CSMD1: variants seen among roughly 807,000 people sequenced by gnomAD.
CSMD1 encodes the protein CUB and Sushi multiple domains 1, also known as CUB and sushi domain-containing protein 1.
A neutral mutation model predicts 417.5 loss-of-function variants in CSMD1; 213 were observed. That is an observed-to-expected ratio of 0.51 (90% CI 0.46 to 0.57). The LOEUF is 0.57. Ranked by LOEUF, CSMD1 falls within the 20% of genes least tolerant of loss-of-function variation. The probability of loss-of-function intolerance (pLI) is 0.00; values close to 1 mark genes in which losing one functional copy is unlikely to be tolerated. For missense variants in CSMD1, 6,923 were observed against 4,529.7 expected, an observed-to-expected ratio of 1.53 and a Z score of -15.17; for synonymous variants, 2,862 against 1,736.8, an observed-to-expected ratio of 1.65 and a Z score of -16.11.
At chr8:3,065,306 G>GATAT (rs1489521097) in intron 49 of CSMD1, among the ~76,000 whole-genome samples, 1 of 146,664 alleles carries the variant, frequency 6.8e-6, no homozygotes, top group Non-Finnish European at 1.5e-5. Flanking sequence ...TAGATAGGTA[G>GATAT]ATAGATAGAT....
chr8:3,587,628 T>C (rs11993556), intron 8 of CSMD1, among the ~76,000 whole-genome samples: 8,402 of 152,150 alleles, frequency 0.055, 794 homozygotes, highest in African/African-American at 0.19. Flanking sequence ...TGTAACACTC[T>C]CTAGGGATTG....
At chr8:3,281,804 T>A (rs146879833) in intron 26 of CSMD1, among the ~76,000 whole-genome samples, 2 of 152,284 alleles carry the variant, frequency 1.3e-5, no homozygotes, top group East Asian at 3.9e-4. Context: ...CCCACCCATG[T>A]TGAATTGTAA....
At chr8:3,656,196 C>G (rs1476090946) in intron 7 of CSMD1, among the ~76,000 whole-genome samples, 7 of 152,122 alleles carry the variant, frequency 4.6e-5, no homozygotes, top group Admixed American at 3.3e-4. Context: ...CCTACCAGAG[C>G]TATTCAGAAG....
intron 52 of CSMD1, among the ~76,000 whole-genome samples, chr8:3,016,901 C>G (rs991811895): frequency 6.6e-6 from 1 of 152,166 alleles, no homozygotes; most frequent in Non-Finnish European, 1.5e-5. Flanking sequence ...CCTTTCTACT[C>G]CAAAACCCTA....
chr8:4,544,750 A>G (rs1213302355), intron 2 of CSMD1, among the ~76,000 whole-genome samples: 2 of 152,188 alleles, frequency 1.3e-5, no homozygotes, highest in Non-Finnish European at 2.9e-5. Flanking sequence ...GTGTCAGAGC[A>G]AATCCATTTT....
In CSMD1 at chr8:3,013,488, C is replaced by T. The variant is rs578124426; in HGVS notation, c.8029+4989G>A. ...TTTTCCAGCCTGGTGTGGTGCCTCA[C>T]GCCTGTAATCCCAGCACTTTGGGAG... On this transcript the variant is annotated intron_variant, in intron 52 of 69. Coordinates refer to ENST00000635120, the MANE Select transcript of CSMD1 (RefSeq NM_033225.6). Among the ~76,000 whole-genome samples the T allele has an allele frequency of 1.6e-4, 24 of 152,282 alleles. No homozygotes were observed. The South Asian group carries it at 4.1e-3, about 26-fold the overall frequency.
At chr8:3,677,185 A>C (rs1799419743) in intron 7 of CSMD1, among the ~76,000 whole-genome samples, 1 of 152,160 alleles carries the variant, frequency 6.6e-6, no homozygotes, top group African/African-American at 2.4e-5. Flanking sequence ...TAAAAGAAAC[A>C]CGTATATAAG....
chr8:4,194,004 CATA>C (rs1186380097), intron 3 of CSMD1, among the ~76,000 whole-genome samples: 3 of 152,076 alleles, frequency 2.0e-5, no homozygotes, highest in African/African-American at 7.3e-5. Context: ...ATATCCCCTT[CATA>C]ATGTTTTTGA....
chr8:3,104,505 T>C (rs1020869715), intron 46 of CSMD1, among the ~76,000 whole-genome samples: 1 of 152,164 alleles, frequency 6.6e-6, no homozygotes, highest in Admixed American at 6.5e-5. Context: ...TAATCAATAG[T>C]TCTCATGTAG....
intron 7 of CSMD1, among the ~76,000 whole-genome samples, chr8:3,677,846 T>C (rs1585061008): frequency 2.0e-5 from 3 of 152,264 alleles, no homozygotes; most frequent in African/African-American, 7.2e-5. Flanking sequence ...ATTCTTTAAC[T>C]CTAAACCCCC....
At chr8:3,691,755 T>C (rs774081292) in intron 7 of CSMD1, among the ~76,000 whole-genome samples, 1 of 147,282 alleles carries the variant, frequency 6.8e-6, no homozygotes, top group Non-Finnish European at 1.5e-5. Context: ...AAAATGAGGC[T>C]CAATACCATT....
intron 12 of CSMD1, among the ~76,000 whole-genome samples, chr8:3,445,091 A>C (rs928703868): frequency 3.3e-5 from 5 of 152,226 alleles, no homozygotes; most frequent in Admixed American, 2.0e-4. Context: ...TTCAACAGGG[A>C]AAAAGAAAAA....
intron 3 of CSMD1, among the ~76,000 whole-genome samples, chr8:4,409,166 T>C (rs1477824913): frequency 6.6e-6 from 1 of 152,214 alleles, no homozygotes; most frequent in Non-Finnish European, 1.5e-5. Flanking sequence ...AAAATGACCT[T>C]CAAATGGGAG....
At chr8:3,091,466 T>C in intron 48 of CSMD1, 50 bp downstream of exon 48, 1 of 1,390,180 alleles carries the variant, frequency 7.2e-7, no homozygotes, top group South Asian at 1.4e-5. Flanking sequence ...TCAATGAAAA[T>C]CACCTGTTTT....
intron 5 of CSMD1, among the ~76,000 whole-genome samples, chr8:3,925,420 T>C (rs1471560198): frequency 2.6e-5 from 4 of 152,124 alleles, no homozygotes; most frequent in African/African-American, 9.7e-5. Context: ...ATGAAAGAAA[T>C]AATATTTAAA....
chr8:4,907,849 A>G (rs189053355), intron 1 of CSMD1, among the ~76,000 whole-genome samples: 1 of 152,130 alleles, frequency 6.6e-6, no homozygotes, highest in East Asian at 1.9e-4. Context: ...TACAGACAAT[A>G]GCCATCTCAC....
intron 7 of CSMD1, among the ~76,000 whole-genome samples, chr8:3,646,897 A>T (rs1219780452): frequency 1.3e-5 from 2 of 152,100 alleles, no homozygotes; most frequent in Non-Finnish European, 2.9e-5. Context: ...AGTTTTGATG[A>T]GTAGGCTTAG....
intron 5 of CSMD1, among the ~76,000 whole-genome samples, chr8:3,996,326 T>C (rs1815212547): frequency 6.6e-6 from 1 of 152,202 alleles, no homozygotes; most frequent in Non-Finnish European, 1.5e-5. Context: ...TATACTTCAA[T>C]TATTTTCTGA....
chr8:4,139,520 C>G (rs1803648874), intron 3 of CSMD1, among the ~76,000 whole-genome samples: 1 of 150,996 alleles, frequency 6.6e-6, no homozygotes, highest in African/African-American at 2.5e-5. Flanking sequence ...TGTTGTGGAT[C>G]TCAGGGGAGT....
Sources: gnomAD v4.1 joint callset for allele counts (sites outside exome capture counted in the v4.1 genomes callset) on GRCh38, gnomAD v4.1.1 for gene constraint, MANE v1.5 for transcripts, NCBI Gene and HGNC (gene_info 2026-07-23, HGNC 2026-07-21) for gene names.